TMEM232: variants seen among roughly 807,000 people sequenced by gnomAD.
The protein encoded by TMEM232 is transmembrane protein 232.
In TMEM232, 80 loss-of-function variants were observed where a neutral mutation model predicts 78.8. The ratio of observed to expected loss-of-function variants is 1.01; its 90% confidence interval spans 0.85 to 1.22. The LOEUF (loss-of-function observed/expected upper bound fraction) is 1.22. Ranked by LOEUF, TMEM232 falls within the 50% of genes most tolerant of loss-of-function variation. The pLI is 0.00. For missense variants in TMEM232, 881 were observed against 742.2 expected (o/e 1.19, Z -2.17); for synonymous variants, 297 against 254.3 (o/e 1.17, Z -1.60).
At chr5:110,417,624 T>C (rs1007103834), downstream of TMEM232, 51 of 112,186 alleles carry the variant, frequency 4.5e-4, no homozygotes, top group African/African-American at 2.4e-3. Context: ...TTTTCTTTTT[T>C]TTTTTTTTTT....
intron 8 of TMEM232, among the ~76,000 whole-genome samples, chr5:110,609,433 T>A (rs1239139955): frequency 6.6e-6 from 1 of 152,082 alleles, no homozygotes; most frequent in Non-Finnish European, 1.5e-5. Context: ...CTATTTTGCA[T>A]AGAATCAGAG....
upstream of TMEM232, among the ~76,000 whole-genome samples, chr5:110,727,284 T>C (rs953447298): frequency 2.0e-5 from 3 of 152,186 alleles, no homozygotes; most frequent in African/African-American, 7.2e-5. Flanking sequence ...TGTAAAATAC[T>C]ATATGGAAGA....
At chr5:110,463,879 G>C (rs1457316689) in intron 12 of TMEM232, among the ~76,000 whole-genome samples, 1 of 152,124 alleles carries the variant, frequency 6.6e-6, no homozygotes, top group Non-Finnish European at 1.5e-5. Context: ...GTGTTCTCCA[G>C]TCACACTGGC....
intron 2 of TMEM232, among the ~76,000 whole-genome samples, chr5:110,663,497 T>C (rs972484800): frequency 4.6e-5 from 7 of 152,048 alleles, no homozygotes; most frequent in Admixed American, 3.3e-4. Context: ...TCTATTATAC[T>C]GGCAAAAATT....
chr5:110,625,157 A>C, intron 7 of TMEM232, 110 bp downstream of exon 7: 2 of 1,194,098 alleles, frequency 1.7e-6, no homozygotes, highest in African/African-American at 1.6e-5. Flanking sequence ...CCACAGCTAA[A>C]CTCATCATTC....
chr5:110,662,050 C>G (rs1789877651), intron 2 of TMEM232, among the ~76,000 whole-genome samples: 1 of 151,988 alleles, frequency 6.6e-6, no homozygotes, highest in Non-Finnish European at 1.5e-5. Context: ...TTAATAGTCC[C>G]TTGTCAGTCA....
intron 2 of TMEM232, among the ~76,000 whole-genome samples, chr5:110,732,916 C>T (rs1338149207): frequency 6.6e-6 from 1 of 152,102 alleles, no homozygotes; most frequent in Non-Finnish European, 1.5e-5. Context: ...TATTTGCAAA[C>T]TGTGTACCTG....
intron 11 of TMEM232, among the ~76,000 whole-genome samples, chr5:110,541,897 G>T (rs1351084328): frequency 6.6e-6 from 1 of 152,028 alleles, no homozygotes; most frequent in Admixed American, 6.6e-5. Context: ...TCCACACCAG[G>T]AACTAACCAG....
intron 1 of TMEM232, among the ~76,000 whole-genome samples, chr5:110,689,772 T>C (rs149968904): frequency 0.086 from 13,032 of 152,188 alleles, 584 homozygotes; most frequent in Admixed American, 0.12. Context: ...AGCATGGTAC[T>C]GGTACCAAAA....
chr5:110,590,592 C>T (rs1379808528), intron 10 of TMEM232, among the ~76,000 whole-genome samples: 1 of 152,058 alleles, frequency 6.6e-6, no homozygotes, highest in Non-Finnish European at 1.5e-5. Flanking sequence ...GGAAAAACTG[C>T]CTTCCAGGAA....
chr5:110,690,733 A>T (rs929247868), intron 1 of TMEM232, among the ~76,000 whole-genome samples: 5 of 152,220 alleles, frequency 3.3e-5, no homozygotes, highest in African/African-American at 1.2e-4. Context: ...CCAAATACTC[A>T]TCAATGATAG....
chr5:110,678,750 A>T (rs1471037590), intron 1 of TMEM232, among the ~76,000 whole-genome samples: 1 of 150,708 alleles, frequency 6.6e-6, no homozygotes, highest in Non-Finnish European at 1.5e-5. Flanking sequence ...TGCCTTTTCC[A>T]GAATGTCTTA....
intron 12 of TMEM232, among the ~76,000 whole-genome samples, chr5:110,508,513 C>G (rs1235217335): frequency 6.6e-6 from 1 of 151,280 alleles, no homozygotes; most frequent in Non-Finnish European, 1.5e-5. Flanking sequence ...GTCATGGTGT[C>G]TCCACTTCTC....
chr5:110,620,577 A>ATCTCTCTATCTCTCTCTCTCTCTCTCTC (rs1783510315), intron 7 of TMEM232, among the ~76,000 whole-genome samples: 1 of 43,090 alleles, frequency 2.3e-5, no homozygotes, highest in African/African-American at 7.4e-5. Flanking sequence ...TGTCTCTCAT[A>ATCTCTCTATCTCTCTCTCTCTCTCTCTC]TCTCTCTCTC....
intron 1 of TMEM232, among the ~76,000 whole-genome samples, chr5:110,711,432 A>T (rs1230135076): frequency 6.6e-6 from 1 of 152,212 alleles, no homozygotes; most frequent in Non-Finnish European, 1.5e-5. Context: ...ATATGAAACC[A>T]CAAAAGACCC....
chr5:110,571,285 T>C (rs1776910295), intron 10 of TMEM232, among the ~76,000 whole-genome samples: 1 of 152,028 alleles, frequency 6.6e-6, no homozygotes, highest in South Asian at 2.1e-4. Flanking sequence ...AGATCTAATT[T>C]ATAAAAATCT....
In TMEM232 at chr5:110,568,472, A is replaced by T; in HGVS notation, c.1430T>A (p.Ile477Asn). ...KTKDYEEDVR[I>N]QNAINIAQAE... ...CTGAGCTATATTGATTGCATTTTGG[A>T]TTCGTACATCTTCCTCATAATCCTT... The change falls in exon 11 of 14, where the codon ATC (isoleucine) becomes AAC (asparagine). Residue 477 changes from isoleucine (I) to asparagine (N), a missense_variant. Coordinates refer to ENST00000455884, the MANE Select transcript of TMEM232 (RefSeq NM_001039763.4). 1 of 1,547,514 alleles carries T rather than the reference A, an allele frequency of 6.5e-7. No individual in the cohort carries two copies. The highest frequency in any genetic ancestry group is 1.2e-5 in the South Asian group (1 of 83,476).
chr5:110,686,440 C>T (rs565002420), intron 1 of TMEM232, among the ~76,000 whole-genome samples: 1 of 151,984 alleles, frequency 6.6e-6, no homozygotes, highest in Admixed American at 6.6e-5. Context: ...TTTGGTTGTC[C>T]AACCCAATCA....
At chr5:110,548,397 ATAT>A (rs33943314) in intron 11 of TMEM232, among the ~76,000 whole-genome samples, 6,695 of 149,550 alleles carry the variant, frequency 0.045, 528 homozygotes, top group African/African-American at 0.15. Flanking sequence ...AAATATTAAA[ATAT>A]TATAAGACAT....
Sources: gnomAD v4.1 joint callset for allele counts (sites outside exome capture counted in the v4.1 genomes callset) on GRCh38, gnomAD v4.1.1 for gene constraint, MANE v1.5 for transcripts, NCBI Gene and HGNC (gene_info 2026-07-23, HGNC 2026-07-21) for gene names.